Variants in LRRC49 observed in about 807,000 individuals in gnomAD.
The protein encoded by LRRC49 is leucine-rich repeat-containing protein 49.
A neutral mutation model predicts 83.3 loss-of-function variants in LRRC49; 50 were observed. That is an observed-to-expected ratio of 0.60 (90% CI 0.48 to 0.76). LRRC49 has a LOEUF of 0.76. Ranked by LOEUF, LRRC49 falls within the 30% of genes least tolerant of loss-of-function variation. The pLI is 0.00. For missense variants in LRRC49, 704 were observed against 809.1 expected, an observed-to-expected ratio of 0.87 and a Z score of 1.58; for synonymous variants, 286 against 283.3, an observed-to-expected ratio of 1.01 and a Z score of -0.10.
intron 9 of LRRC49, among the ~76,000 whole-genome samples, chr15:70,968,042 G>A (rs1391263159): frequency 1.3e-5 from 2 of 151,890 alleles, no homozygotes; most frequent in Non-Finnish European, 1.5e-5. Context: ...AGAATGTGCA[G>A]GTTTGTTACA....
At position 70,910,184 on chromosome 15, in the gene LRRC49, G is replaced by A. The variant is rs527960953; in HGVS notation, c.501-1348G>A. Among the ~76,000 whole-genome samples, 17 of 152,228 alleles carry A rather than the reference G, an allele frequency of 1.1e-4. 1 individual carries two copies. Among genetic ancestry groups the A allele is most frequent in the African/African-American group, 3.4e-4 (14 of 41,542 alleles). On this transcript the variant is annotated intron_variant, in intron 5 of 15. Transcript: ENST00000260382. ...TGAAGAAGATCTACAGCTACATAGCGATGATACATGGTGGGCATATGAGAA... is the reference window on the plus strand; with the variant it reads ...TGAAGAAGATCTACAGCTACATAGCAATGATACATGGTGGGCATATGAGAA...
At chr15:71,046,275 C>T (rs2141312518) in intron 15 of LRRC49, among the ~76,000 whole-genome samples, 1 of 152,342 alleles carries the variant, frequency 6.6e-6, no homozygotes, top group Non-Finnish European at 1.5e-5. Flanking sequence ...AATTGCCAGA[C>T]TGCTTTCCAC....
chr15:70,900,231 ACAC>A, intron 3 of LRRC49: 1 of 268,470 alleles, frequency 3.7e-6, no homozygotes, highest in Non-Finnish European at 7.4e-6. Flanking sequence ...AATGGCAAGG[ACAC>A]CATCTAACAA....
At chr15:70,953,437 A>G (rs1237171497) in intron 8 of LRRC49, among the ~76,000 whole-genome samples, 1 of 152,176 alleles carries the variant, frequency 6.6e-6, no homozygotes, top group East Asian at 1.9e-4. Context: ...TCTTTTCTTC[A>G]AGGATATTGA....
chr15:70,860,113 C>A (rs2032751910), intron 1 of LRRC49: 1 of 708,388 alleles, frequency 1.4e-6, no homozygotes. Context: ...AAGATTGAGA[C>A]CCGTGATGGG....
At chr15:70,892,624 A>G (rs116181700), upstream of LRRC49, 172 of 1,452,180 alleles carry the variant, frequency 1.2e-4, no homozygotes, top group Non-Finnish European at 1.5e-4. Flanking sequence ...TCCCCAGCTT[A>G]TCCTCCTCCC....
chr15:70,955,477 A>G (rs1438221392), intron 8 of LRRC49, among the ~76,000 whole-genome samples: 1 of 152,226 alleles, frequency 6.6e-6, no homozygotes, highest in East Asian at 1.9e-4. Flanking sequence ...AAGAAAGTTT[A>G]TAACTAATCC....
At chr15:70,922,031 G>C (rs1278261325) in intron 7 of LRRC49, among the ~76,000 whole-genome samples, 3 of 152,120 alleles carry the variant, frequency 2.0e-5, no homozygotes, top group Non-Finnish European at 4.4e-5. Context: ...AATAACAAAT[G>C]CTGGCAGGAA....
intron 8 of LRRC49, among the ~76,000 whole-genome samples, chr15:70,960,378 C>T (rs1279373085): frequency 6.6e-6 from 1 of 152,136 alleles, no homozygotes; most frequent in Non-Finnish European, 1.5e-5. Context: ...AGTCGTTGAG[C>T]CCAATAACTC....
intron 10 of LRRC49, among the ~76,000 whole-genome samples, chr15:70,982,362 A>G (rs1231277823): frequency 6.6e-6 from 1 of 152,146 alleles, no homozygotes; most frequent in African/African-American, 2.4e-5. Context: ...AGTTGCTTAG[A>G]TTACAAATTG....
At chr15:70,893,257 A>C in intron 1 of LRRC49, 1 of 557,968 alleles carries the variant, frequency 1.8e-6, no homozygotes, top group Non-Finnish European at 3.2e-6. Flanking sequence ...TGTGAAGAGA[A>C]TTTATCATTA....
chr15:70,931,340 C>A (rs2035398837), intron 7 of LRRC49, among the ~76,000 whole-genome samples: 1 of 152,072 alleles, frequency 6.6e-6, no homozygotes, highest in South Asian at 2.1e-4. Flanking sequence ...CTTCTATGGG[C>A]ACAGTTTGTG....
At chr15:70,941,624 A>G (rs2035818947) in intron 8 of LRRC49, among the ~76,000 whole-genome samples, 1 of 152,144 alleles carries the variant, frequency 6.6e-6, no homozygotes, top group Non-Finnish European at 1.5e-5. Flanking sequence ...AAAAAGCAAA[A>G]AAATCTAATG....
At chr15:70,870,419 G>C (rs1035084132) in intron 1 of LRRC49, among the ~76,000 whole-genome samples, 4 of 152,200 alleles carry the variant, frequency 2.6e-5, no homozygotes, top group African/African-American at 4.8e-5. Flanking sequence ...ATGTGAAGTT[G>C]TATCAATCCC....
At chr15:70,886,287 C>T (rs1041915739) in intron 2 of LRRC49, among the ~76,000 whole-genome samples, 2 of 152,090 alleles carry the variant, frequency 1.3e-5, no homozygotes, top group African/African-American at 4.8e-5. Context: ...CACAAAATAT[C>T]TCTAACATAG....
intron 14 of LRRC49, among the ~76,000 whole-genome samples, chr15:71,030,104 C>G (rs11633755): frequency 0.29 from 44,736 of 152,048 alleles, 7,964 homozygotes; most frequent in Non-Finnish European, 0.39. Context: ...GATGCAGTTT[C>G]TACATAGTAT....
At chr15:71,004,070 G>C (rs1338453154) in intron 11 of LRRC49, among the ~76,000 whole-genome samples, 1 of 152,130 alleles carries the variant, frequency 6.6e-6, no homozygotes, top group African/African-American at 2.4e-5. Flanking sequence ...CTTTGGAGGT[G>C]CTTAAAAACT....
At chr15:70,864,211 AGG>A (rs2032862229) in intron 1 of LRRC49, among the ~76,000 whole-genome samples, 1 of 152,120 alleles carries the variant, frequency 6.6e-6, no homozygotes, top group African/African-American at 2.4e-5. Flanking sequence ...AGTGGGTAAA[AGG>A]GCTCAAGTGG....
intron 8 of LRRC49, among the ~76,000 whole-genome samples, chr15:70,937,458 C>G (rs2035639529): frequency 6.6e-6 from 1 of 152,106 alleles, no homozygotes; most frequent in Non-Finnish European, 1.5e-5. Context: ...TAATTCTTTC[C>G]TTCTCCTCCT....
Sources: gnomAD v4.1 joint callset for allele counts (sites outside exome capture counted in the v4.1 genomes callset) on GRCh38, gnomAD v4.1.1 for gene constraint, MANE v1.5 for transcripts, NCBI Gene and HGNC (gene_info 2026-07-23, HGNC 2026-07-21) for gene names.